The following DPYD variants were observed in gnomAD, a reference collection of about 807,000 sequenced individuals.
DPYD encodes the protein dihydropyrimidine dehydrogenase, also known as dihydropyrimidine dehydrogenase [NADP(+)].
Under a neutral mutation model 116.2 loss-of-function variants are expected in DPYD, and 109 were observed. The ratio of observed to expected loss-of-function variants is 0.94; its 90% CI spans 0.80 to 1.10. DPYD has a LOEUF of 1.10. Ranked by LOEUF, DPYD falls within the 50% of genes least tolerant of loss-of-function variation. The probability of loss-of-function intolerance (pLI) is 0.00; values close to 1 mark genes in which losing one functional copy is unlikely to be tolerated. For missense variants in DPYD, 1,302 were observed against 1,254.5 expected (o/e 1.04, Z -0.57); for synonymous variants, 440 against 432.0 (o/e 1.02, Z -0.23).
chr1:97,864,460 T>C (rs968785972), intron 2 of DPYD, among the ~76,000 whole-genome samples: 4 of 151,840 alleles, frequency 2.6e-5, no homozygotes, highest in African/African-American at 4.8e-5. Context: ...AGGAGTGGAA[T>C]TGATTTGGAA....
At chr1:97,299,359 A>C (rs950541417) in intron 18 of DPYD, among the ~76,000 whole-genome samples, 1 of 152,158 alleles carries the variant, frequency 6.6e-6, no homozygotes, top group Non-Finnish European at 1.5e-5. Context: ...TATGCTTGTC[A>C]GAGTTCTTTG....
At chr1:97,463,711 AT>A (rs770287828) in intron 13 of DPYD, among the ~76,000 whole-genome samples, 2 of 152,192 alleles carry the variant, frequency 1.3e-5, no homozygotes, top group Admixed American at 6.5e-5. Context: ...ATGGTCTCAG[AT>A]GGAGATGAGG....
chr1:97,715,054 G>C (rs1662533230), intron 5 of DPYD, among the ~76,000 whole-genome samples: 1 of 152,058 alleles, frequency 6.6e-6, no homozygotes, highest in Non-Finnish European at 1.5e-5. Context: ...GATTAATCAA[G>C]CTCTAAATAA....
chr1:97,495,342 T>C (rs544251077), intron 13 of DPYD, among the ~76,000 whole-genome samples: 29 of 152,222 alleles, frequency 1.9e-4, no homozygotes, highest in Admixed American at 4.6e-4. Flanking sequence ...AGAAATCAGA[T>C]TTTAAGAGTT....
chr1:97,329,248 G>C (rs1668857320), intron 16 of DPYD, among the ~76,000 whole-genome samples: 1 of 152,162 alleles, frequency 6.6e-6, no homozygotes, highest in Non-Finnish European at 1.5e-5. Context: ...CATTTTTGTG[G>C]TGATGTCACT....
intron 5 of DPYD, chr1:97,720,950 G>A: frequency 6.2e-7 from 1 of 1,603,480 alleles, no homozygotes; most frequent in Non-Finnish European, 8.5e-7. Context: ...AGAAAAAAAA[G>A]TGCTCTCATT....
intron 20 of DPYD, among the ~76,000 whole-genome samples, chr1:97,146,043 T>C (rs1410951092): frequency 6.6e-6 from 1 of 152,182 alleles, no homozygotes; most frequent in African/African-American, 2.4e-5. Flanking sequence ...GTTTTATCCT[T>C]TTCTACTTCA....
chr1:97,875,349 A>G (rs1466929484), intron 2 of DPYD, among the ~76,000 whole-genome samples: 4 of 151,948 alleles, frequency 2.6e-5, no homozygotes, highest in African/African-American at 4.8e-5. Flanking sequence ...AGGATCTTGG[A>G]TGGAGATATT....
At chr1:97,191,453 T>C (rs1658357775) in intron 20 of DPYD, among the ~76,000 whole-genome samples, 1 of 152,160 alleles carries the variant, frequency 6.6e-6, no homozygotes, top group South Asian at 2.1e-4. Context: ...CTTCCTTTTT[T>C]TAAACGAATG....
At chr1:97,632,494 C>T (rs546345949) in intron 8 of DPYD, among the ~76,000 whole-genome samples, 1 of 152,188 alleles carries the variant, frequency 6.6e-6, no homozygotes, top group African/African-American at 2.4e-5. Context: ...CTTGCTGAAA[C>T]CTGGACATGA....
At chr1:97,232,465 T>C (rs72726645) in intron 19 of DPYD, among the ~76,000 whole-genome samples, 3,355 of 152,280 alleles carry the variant, frequency 0.022, 113 homozygotes, top group African/African-American at 0.07. Context: ...GGAATATTTT[T>C]AGCCATTATT....
chr1:97,324,470 C>T (rs562809751), intron 16 of DPYD, among the ~76,000 whole-genome samples: 7 of 152,144 alleles, frequency 4.6e-5, no homozygotes, highest in African/African-American at 1.7e-4. Flanking sequence ...ACTTTTACGG[C>T]AGGTGTATGC....
chr1:97,145,743 GTTTTT>G (rs370793517), intron 20 of DPYD, among the ~76,000 whole-genome samples: 13 of 129,326 alleles, frequency 1.0e-4, no homozygotes, highest in Middle Eastern at 3.8e-3. Flanking sequence ...AATTGTGTGG[GTTTTT>G]TTTTTTTTTT....
intron 13 of DPYD, among the ~76,000 whole-genome samples, chr1:97,494,032 G>A (rs953668181): frequency 8.5e-5 from 13 of 152,106 alleles, no homozygotes; most frequent in African/African-American, 2.9e-4. Context: ...TGGAGATTAT[G>A]ACATCTACCA....
chr1:97,391,629 C>T (rs970479603), intron 14 of DPYD, among the ~76,000 whole-genome samples: 2 of 152,004 alleles, frequency 1.3e-5, no homozygotes, highest in East Asian at 1.9e-4. Context: ...CCAGGTTCCT[C>T]ATTGTGACTA....
intron 3 of DPYD, among the ~76,000 whole-genome samples, chr1:97,754,794 AGGGT>A (rs1445080322): frequency 1.3e-5 from 2 of 152,182 alleles, no homozygotes; most frequent in East Asian, 3.8e-4. Context: ...TAAGAGATAC[AGGGT>A]GTTTATCTTT....
At chr1:97,091,816 G>A (rs1263269089) in intron 21 of DPYD, among the ~76,000 whole-genome samples, 2 of 152,060 alleles carry the variant, frequency 1.3e-5, no homozygotes, top group Non-Finnish European at 2.9e-5. Context: ...GCTTCTAACT[G>A]GTCTCCTTGT....
At chr1:97,640,248 T>A (rs1657810130) in intron 8 of DPYD, among the ~76,000 whole-genome samples, 1 of 152,142 alleles carries the variant, frequency 6.6e-6, no homozygotes, top group Non-Finnish European at 1.5e-5. Flanking sequence ...AAGATTTTTT[T>A]TTATTATTGC....
chr1:97,556,057 C>A (rs1235263881), intron 11 of DPYD, among the ~76,000 whole-genome samples: 3 of 152,170 alleles, frequency 2.0e-5, no homozygotes, highest in East Asian at 3.9e-4. Flanking sequence ...TGCTTCAGAG[C>A]CTGAAATAGG....
Sources: allele counts gnomAD v4.1 joint callset (sites outside exome capture counted in the v4.1 genomes callset), GRCh38; gene constraint gnomAD v4.1.1; transcripts MANE v1.5; gene names NCBI Gene and HGNC (gene_info 2026-07-23, HGNC 2026-07-21).